The following GLG1 variants were observed in gnomAD, a reference collection of about 807,000 sequenced individuals.
The protein encoded by GLG1 is golgi glycoprotein 1.
A neutral mutation model predicts 160.5 loss-of-function variants in GLG1; 38 were observed. The observed-to-expected ratio is 0.24, with a 90% CI of 0.18 to 0.31. The LOEUF is 0.31. Among genes scored for constraint, GLG1 ranks in the 10% least tolerant of loss-of-function variants. The pLI, the probability that GLG1 is intolerant of heterozygous loss-of-function variation, is 1.00. For missense variants in GLG1, 1,373 were observed against 1,505.2 expected, an observed-to-expected ratio of 0.91 and a Z score of 1.45; for synonymous variants, 644 against 543.4, an observed-to-expected ratio of 1.19 and a Z score of -2.57.
chr16:74,531,155 TACTTG>T (rs1597315787), intron 2 of GLG1, among the ~76,000 whole-genome samples: 2 of 152,166 alleles, frequency 1.3e-5, no homozygotes, highest in Non-Finnish European at 2.9e-5. Flanking sequence ...TTTTATTTTG[TACTTG>T]ACTTACCTAG....
chr16:74,505,868 A>G (rs925934929), intron 3 of GLG1, among the ~76,000 whole-genome samples: 5 of 151,902 alleles, frequency 3.3e-5, no homozygotes, highest in Non-Finnish European at 5.9e-5. Flanking sequence ...ACAAATAAAC[A>G]AAAAACCCAA....
At chr16:74,593,183 G>T (rs182968353) in intron 1 of GLG1, among the ~76,000 whole-genome samples, 2 of 152,130 alleles carry the variant, frequency 1.3e-5, no homozygotes, top group African/African-American at 4.8e-5. Context: ...CCAGTCTTGG[G>T]TATTCTGTTA....
chr16:74,557,830 T>C (rs1186488461), intron 1 of GLG1, among the ~76,000 whole-genome samples: 2 of 151,844 alleles, frequency 1.3e-5, no homozygotes, highest in South Asian at 4.2e-4. Flanking sequence ...AAGTAATCCA[T>C]CTGCCTCAGC....
intron 1 of GLG1, among the ~76,000 whole-genome samples, chr16:74,576,517 T>C (rs1217787077): frequency 2.0e-5 from 3 of 152,224 alleles, no homozygotes; most frequent in African/African-American, 4.8e-5. Flanking sequence ...CAATCTCTTG[T>C]GGTCTCTATG....
At chr16:74,501,269 A>T (rs577661504) in intron 4 of GLG1, among the ~76,000 whole-genome samples, 6 of 152,308 alleles carry the variant, frequency 3.9e-5, no homozygotes, top group Admixed American at 3.3e-4. Context: ...GTGTTTTTTC[A>T]GAAGTTCATG....
Position 74,456,775 on chromosome 16 carries a change from A to C in GLG1, c.3266-20T>G. 1 of 1,401,962 alleles carries C rather than the reference A, an allele frequency of 7.1e-7. No individual in the cohort carries two copies. The highest frequency in any genetic ancestry group is 1.0e-6 in the Non-Finnish European group (1 of 985,748). 86.8% of individuals were successfully genotyped at this position (1,401,962 alleles called of 1,614,324 possible). ...ACATTTCTGTGGGAGGAAATGAATA[A>C]TAAGAAGAACCTGAAACTGTACAGA... is the stretch of plus-strand genomic sequence containing the variant. On this transcript the variant is annotated intron_variant, in intron 24 of 25. Coordinates refer to ENST00000422840, the MANE Select transcript of GLG1 (RefSeq NM_001145667.2).
chr16:74,525,295 T>C (rs568027485), intron 2 of GLG1, among the ~76,000 whole-genome samples: 7 of 152,248 alleles, frequency 4.6e-5, no homozygotes, highest in Non-Finnish European at 1.0e-4. Context: ...CATTTGTTAA[T>C]TGTCCACCTT....
At chr16:74,579,931 C>A (rs1220819097) in intron 1 of GLG1, among the ~76,000 whole-genome samples, 1 of 151,568 alleles carries the variant, frequency 6.6e-6, no homozygotes, top group African/African-American at 2.4e-5. Flanking sequence ...GGCGTGGTGG[C>A]ACGTGCCTGT....
At chr16:74,551,103 T>C (rs1459244871) in intron 1 of GLG1, among the ~76,000 whole-genome samples, 1 of 152,202 alleles carries the variant, frequency 6.6e-6, no homozygotes, top group Non-Finnish European at 1.5e-5. Context: ...AATGCTATAC[T>C]GGGGCTGGTA....
chr16:74,574,255 A>G (rs1446011367), intron 1 of GLG1, among the ~76,000 whole-genome samples: 2 of 152,218 alleles, frequency 1.3e-5, no homozygotes, highest in Non-Finnish European at 2.9e-5. Context: ...GGGTGTTCAC[A>G]GTTGCAAGCA....
intron 1 of GLG1, among the ~76,000 whole-genome samples, chr16:74,580,932 C>G (rs1321946957): frequency 6.6e-6 from 1 of 152,082 alleles, no homozygotes; most frequent in Non-Finnish European, 1.5e-5. Flanking sequence ...ATTAGTGCAC[C>G]GTTGCACTCC....
chr16:74,514,862 A>G (rs2016928851), intron 2 of GLG1, among the ~76,000 whole-genome samples: 1 of 152,218 alleles, frequency 6.6e-6, no homozygotes, highest in South Asian at 2.1e-4. Context: ...CATAGAGTCA[A>G]GACCCATCAG....
Position 74,453,338 on chromosome 16 carries a change from G to C in GLG1, c.3373-4C>G, listed in dbSNP as rs28465172. ...AGAAGCCATCTGCTGGGGCCACCTAGAATGACACAAGGCAATGTGATTCTC... is the reference window on the plus strand; with the variant it reads ...AGAAGCCATCTGCTGGGGCCACCTACAATGACACAAGGCAATGTGATTCTC... On this transcript the variant is annotated splice_region_variant and splice_polypyrimidine_tract_variant and intron_variant, in intron 25 of 25. Coordinates refer to ENST00000422840, the MANE Select transcript of GLG1 (RefSeq NM_001145667.2). The C allele has an allele frequency of 1.2e-6, 2 of 1,604,162 alleles. No individual in the cohort carries two copies. Among genetic ancestry groups the C allele is most frequent in the Non-Finnish European group, 1.7e-6 (2 of 1,171,084 alleles).
At chr16:74,555,042 T>C (rs1215544479) in intron 1 of GLG1, among the ~76,000 whole-genome samples, 2 of 152,090 alleles carry the variant, frequency 1.3e-5, no homozygotes, top group Non-Finnish European at 1.5e-5. Flanking sequence ...TAAAAACATA[T>C]AATTGCCTTC....
intron 3 of GLG1, among the ~76,000 whole-genome samples, chr16:74,507,137 C>A (rs2016641026): frequency 6.6e-6 from 1 of 152,132 alleles, no homozygotes; most frequent in Non-Finnish European, 1.5e-5. Context: ...AGACTGTGTT[C>A]TTCCTGATAT....
chr16:74,491,292 G>C (rs2015975217), intron 7 of GLG1, 77 bp from the exon 8 acceptor site: 1 of 1,011,410 alleles, frequency 9.9e-7, no homozygotes, highest in Non-Finnish European at 1.6e-6. Flanking sequence ...CCTATTAAAA[G>C]TACATATTTC....
rs199518297 is a variant in GLG1, at chr16:74,567,211, C to CAG, written c.439-35060_439-35059dup. ...GGTGTAGGGAGCGGGGAGAGAGAGA[C>CAG]AGAGAGAGAGAGAGAGAGACAGACA... is the stretch of plus-strand genomic sequence containing the variant. On this transcript the variant is annotated intron_variant, in intron 1 of 25. Coordinates refer to ENST00000422840, the MANE Select transcript of GLG1 (RefSeq NM_001145667.2). Among the ~76,000 whole-genome samples the CAG allele has an allele frequency of 1.3e-3, 193 of 147,220 alleles. 1 individual carries two copies. Among genetic ancestry groups the CAG allele is most frequent in the Middle Eastern group, 7.0e-3 (2 of 286 alleles).
At chr16:74,551,940 C>T (rs956664429) in intron 1 of GLG1, among the ~76,000 whole-genome samples, 8 of 151,442 alleles carry the variant, frequency 5.3e-5, no homozygotes, top group Non-Finnish European at 7.4e-5. Context: ...CGGCAAATAT[C>T]TTTCTAGTTT....
At chr16:74,517,611 C>T (rs1262857445) in intron 2 of GLG1, among the ~76,000 whole-genome samples, 1 of 152,126 alleles carries the variant, frequency 6.6e-6, no homozygotes, top group African/African-American at 2.4e-5. Flanking sequence ...TGGGCAAAAA[C>T]TAGAAGCATT....
Sources: allele counts gnomAD v4.1 joint callset (sites outside exome capture counted in the v4.1 genomes callset), GRCh38; gene constraint gnomAD v4.1.1; transcripts MANE v1.5; gene names NCBI Gene and HGNC (gene_info 2026-07-23, HGNC 2026-07-21).